CFAP77: variants seen among roughly 807,000 people sequenced by gnomAD.
The protein encoded by CFAP77 is cilia- and flagella-associated protein 77.
A neutral mutation model predicts 31.1 loss-of-function variants in CFAP77; 25 were observed. That is an observed-to-expected ratio of 0.80 (90% CI 0.59 to 1.12). CFAP77 has a LOEUF of 1.12. CFAP77 is among the 50% of genes most tolerant of loss of function. CFAP77 has a pLI of 0.00. For synonymous variants in CFAP77, 151 were observed against 159.9 expected, an observed-to-expected ratio of 0.94 and a Z score of 0.42; for missense variants, 377 against 397.3, an observed-to-expected ratio of 0.95 and a Z score of 0.44.
intron 1 of CFAP77, among the ~76,000 whole-genome samples, chr9:132,420,862 T>A (rs1279004498): frequency 6.6e-6 from 1 of 152,060 alleles, no homozygotes; most frequent in African/African-American, 2.4e-5. Context: ...CAGACAGAGA[T>A]GAAAATCAAC....
rs928774925 is a variant in CFAP77 at position 132,416,653 on chromosome 9, T to A, written c.195+6187T>A. On this transcript the variant is annotated intron_variant, in intron 1 of 5. Transcript: ENST00000393216. The stretch of plus-strand genomic sequence containing the variant: ...CCACCACACTGGGCTTTTTTTTTTT[T>A]TTTGAGACGGAGTCTCACTCTGTTG... Among the ~76,000 whole-genome samples, 74 of 150,444 alleles carry A rather than the reference T, an allele frequency of 4.9e-4. 1 individual carries two copies. The highest frequency in any genetic ancestry group is 1.5e-4 in the Non-Finnish European group (10 of 67,600).
chr9:132,568,987 AC>A (rs1829922468), intron 5 of CFAP77, among the ~76,000 whole-genome samples: 1 of 152,128 alleles, frequency 6.6e-6, no homozygotes, highest in Non-Finnish European at 1.5e-5. Flanking sequence ...GGTGTGAGTC[AC>A]CTTGTCTGGC....
chr9:132,558,644 G>A (rs144037819), intron 5 of CFAP77, among the ~76,000 whole-genome samples: 4,363 of 152,138 alleles, frequency 0.029, 82 homozygotes, highest in Middle Eastern at 0.089. Context: ...GGCAGAGGTT[G>A]CAGTGAGCCG....
At chr9:132,489,272 A>G (rs1410207542) in intron 1 of CFAP77, among the ~76,000 whole-genome samples, 1 of 152,198 alleles carries the variant, frequency 6.6e-6, no homozygotes, top group Non-Finnish European at 1.5e-5. Context: ...TGAGGGCTGA[A>G]AGGGGTCTCT....
intron 5 of CFAP77, among the ~76,000 whole-genome samples, chr9:132,556,075 C>T (rs770651837): frequency 7.2e-5 from 11 of 152,088 alleles, no homozygotes; most frequent in South Asian, 2.1e-4. Context: ...TTGATACAAG[C>T]GCCCTCTTCA....
At chr9:132,451,705 A>T (rs1175072568) in intron 1 of CFAP77, among the ~76,000 whole-genome samples, 1 of 151,998 alleles carries the variant, frequency 6.6e-6, no homozygotes, top group Non-Finnish European at 1.5e-5. Context: ...TACCCGAGCC[A>T]ATCCTGGTTG....
chr9:132,518,343 G>A (rs1852186014), intron 3 of CFAP77, among the ~76,000 whole-genome samples: 1 of 152,132 alleles, frequency 6.6e-6, no homozygotes, highest in Non-Finnish European at 1.5e-5. Flanking sequence ...CGAGATGACT[G>A]GATCATTCAG....
intron 3 of CFAP77, among the ~76,000 whole-genome samples, chr9:132,524,750 A>C: frequency 6.6e-6 from 1 of 151,010 alleles, no homozygotes; most frequent in Middle Eastern, 3.4e-3. Flanking sequence ...CCGGGTTCAC[A>C]CCATTCTCCT....
rs1852601548 is a variant in CFAP77 at position 132,539,407 on chromosome 9, A to G, written c.630+1701A>G. Among the ~76,000 whole-genome samples, 2 of 152,018 alleles carry G rather than the reference A, an allele frequency of 1.3e-5. No individual in the cohort carries two copies. Among genetic ancestry groups the G allele is most frequent in the Non-Finnish European group, 1.5e-5 (1 of 68,002 alleles). On this transcript the variant is annotated intron_variant, in intron 4 of 5. Transcript: ENST00000393216. The surrounding 1 kb of genome is among the most constrained non-coding windows in gnomAD (Gnocchi z 4.3). ...CCTGAGGTCAGTCTCTCCTCCTATC[A>G]TCTCAGTTTGGTTTATTTCACGGGG...
rs117283730 is a variant in CFAP77, at chr9:132,497,801, C to T, written c.196-894C>T. On this transcript the variant is annotated intron_variant, in intron 1 of 5. Coordinates refer to ENST00000393216, the MANE Select transcript of CFAP77 (RefSeq NM_001282957.2). The surrounding 1 kb of genome is among the most constrained non-coding windows in gnomAD (Gnocchi z 4.9). ...TTGTGCCTGGGATGCAGTCCGAACCCAGCAAGTGCCCACTGATGCAGCGGG... is the reference window on the plus strand; with the variant it reads ...TTGTGCCTGGGATGCAGTCCGAACCTAGCAAGTGCCCACTGATGCAGCGGG... Among the ~76,000 whole-genome samples the T allele has an allele frequency of 1.1e-3, 162 of 152,304 alleles. 1 individual carries two copies. The East Asian group carries it at 0.019, about 18-fold the overall frequency.
At chr9:132,462,081 G>A (rs1314524229) in intron 1 of CFAP77, among the ~76,000 whole-genome samples, 1 of 152,152 alleles carries the variant, frequency 6.6e-6, no homozygotes, top group Non-Finnish European at 1.5e-5. Flanking sequence ...CAGAGAGGTA[G>A]CGATTAGTAA....
chr9:132,446,944 G>A (rs1850732736), intron 1 of CFAP77, among the ~76,000 whole-genome samples: 1 of 151,850 alleles, frequency 6.6e-6, no homozygotes, highest in South Asian at 2.1e-4. Context: ...GTGGGGAGCG[G>A]GGGTCTCCCT....
intron 3 of CFAP77, among the ~76,000 whole-genome samples, chr9:132,531,631 G>T (rs1047876088): frequency 1.7e-4 from 24 of 143,744 alleles, no homozygotes; most frequent in South Asian, 6.8e-4. Flanking sequence ...GACATGGGGG[G>T]GGGGGCATGG....
intron 1 of CFAP77, among the ~76,000 whole-genome samples, chr9:132,478,370 G>A (rs977002702): frequency 4.0e-5 from 6 of 150,156 alleles, no homozygotes; most frequent in Admixed American, 4.0e-4. Context: ...AGGTGAAGAC[G>A]CGGCACTGGT....
Position 132,545,506 on chromosome 9 carries a change from C to T in CFAP77, c.732+2459C>T, listed in dbSNP as rs1021174316. Among the ~76,000 whole-genome samples the T allele has an allele frequency of 4.6e-5, 7 of 152,214 alleles. No homozygotes were observed. Among genetic ancestry groups the T allele is most frequent in the South Asian group, 2.1e-4 (1 of 4,832 alleles). The stretch of plus-strand genomic sequence containing the variant: ...TGTTCGCCTCCTTTCCGAGGGTATT[C>T]GCAGGATGCTGGGAGTTAAAGCTGC... On this transcript the variant is annotated intron_variant, in intron 5 of 5. Transcript: ENST00000393216. The surrounding 1 kb of genome is among the most constrained non-coding windows in gnomAD (Gnocchi z 4.6).
intron 3 of CFAP77, among the ~76,000 whole-genome samples, chr9:132,504,672 G>A (rs1184494087): frequency 6.6e-6 from 1 of 152,204 alleles, no homozygotes; most frequent in Non-Finnish European, 1.5e-5. Flanking sequence ...CTTTTATGGA[G>A]CAGAAATATC....
At chr9:132,525,972 T>C (rs1424631874) in intron 3 of CFAP77, among the ~76,000 whole-genome samples, 2 of 152,212 alleles carry the variant, frequency 1.3e-5, no homozygotes, top group Non-Finnish European at 2.9e-5. Context: ...TAGCTTGTCT[T>C]TTCATCCTCT....
intron 5 of CFAP77, among the ~76,000 whole-genome samples, chr9:132,562,711 T>A (rs189853632): frequency 1.4e-4 from 22 of 152,078 alleles, no homozygotes; most frequent in Non-Finnish European, 2.9e-4. Context: ...TTTTATTTTT[T>A]TTTTTTGAGA....
chr9:132,545,944 G>A lies in CFAP77; in HGVS notation c.732+2897G>A, dbSNP rs558326278. Among the ~76,000 whole-genome samples the A allele has an allele frequency of 3.9e-5, 6 of 152,014 alleles. No individual in the cohort carries two copies. The highest frequency in any genetic ancestry group is 1.2e-4 in the African/African-American group (5 of 41,356). On this transcript the variant is annotated intron_variant, in intron 5 of 5. Transcript: ENST00000393216. This position sits in a 1 kb window ranked among gnomAD's most constrained non-coding sequence, Gnocchi z 4.6. The stretch of plus-strand genomic sequence containing the variant: ...CAAGGGATCCTTTCTTCCCCTTCAC[G>A]GCACTTAACTCTGCAATTAATTAAC...
Sources: allele counts gnomAD v4.1 joint callset (sites outside exome capture counted in the v4.1 genomes callset), GRCh38; gene constraint gnomAD v4.1.1; non-coding constraint Gnocchi (gnomAD v3.1); transcripts MANE v1.5; gene names NCBI Gene and HGNC (gene_info 2026-07-23, HGNC 2026-07-21).